Variants in SNTG2 observed in about 807,000 individuals in gnomAD.
The protein encoded by SNTG2 is syntrophin gamma 2, also known as gamma-2-syntrophin.
A neutral mutation model predicts 70.9 loss-of-function variants in SNTG2; 74 were observed. The ratio of observed to expected loss-of-function variants is 1.04; its 90% CI spans 0.86 to 1.27. The LOEUF is 1.27. Among genes scored for constraint, SNTG2 ranks in the 50% most tolerant of loss-of-function variants. The pLI, the probability that SNTG2 is intolerant of heterozygous loss-of-function variation, is 0.00. For synonymous variants in SNTG2, 278 were observed against 273.8 expected (o/e 1.02, Z -0.15); for missense variants, 717 against 690.7 (o/e 1.04, Z -0.43).
chr2:1,184,918 A>G (rs1280050095), intron 8 of SNTG2, among the ~76,000 whole-genome samples: 2 of 152,190 alleles, frequency 1.3e-5, no homozygotes, highest in African/African-American at 4.8e-5. Flanking sequence ...GCATTAACTC[A>G]AAAGTCCATA....
intron 1 of SNTG2, among the ~76,000 whole-genome samples, chr2:973,024 A>G (rs1572178993): frequency 6.6e-6 from 1 of 152,054 alleles, no homozygotes; most frequent in East Asian, 1.9e-4. Flanking sequence ...TACCTCTCAT[A>G]TTTTGCTCTA....
chr2:1,309,305 A>G (rs564794528), intron 15 of SNTG2, among the ~76,000 whole-genome samples: 9 of 152,322 alleles, frequency 5.9e-5, no homozygotes, highest in Admixed American at 4.6e-4. Context: ...TCTGTGTTCG[A>G]GAACCTTTGG....
chr2:1,222,099 C>CTG lies in SNTG2; in HGVS notation c.719+12870_719+12871insGT, dbSNP rs1451914786. On this transcript the variant is annotated intron_variant, in intron 9 of 16. Coordinates refer to ENST00000308624, the MANE Select transcript of SNTG2 (RefSeq NM_018968.4). The stretch of plus-strand genomic sequence containing the variant: ...TCTCTGTCTCTGTCTCTCTCTGTCT[C>CTG]TCTCTGTCTCTCTCTGTCTCTCTCT... Among the ~76,000 whole-genome samples the CTG allele has an allele frequency of 3.8e-3, 56 of 14,584 alleles. 10 individuals are homozygous for CTG. Among genetic ancestry groups the CTG allele is most frequent in the African/African-American group, 7.3e-3 (27 of 3,698 alleles). The allele number at this position is 14,584 out of a possible 152,430, so 9.6% of individuals were successfully genotyped here.
At chr2:1,027,650 A>G (rs1660555615) in intron 1 of SNTG2, among the ~76,000 whole-genome samples, 1 of 141,708 alleles carries the variant, frequency 7.1e-6, no homozygotes, top group African/African-American at 2.7e-5. Context: ...GAGTAAAGAG[A>G]TAAGCAGGTG....
chr2:998,806 C>T (rs980598294), intron 1 of SNTG2, among the ~76,000 whole-genome samples: 1 of 152,038 alleles, frequency 6.6e-6, no homozygotes, highest in South Asian at 2.1e-4. Context: ...AGATACATTG[C>T]AAAATGGACT....
chr2:1,278,315 G>A (rs1198267412), intron 14 of SNTG2, among the ~76,000 whole-genome samples: 1 of 152,090 alleles, frequency 6.6e-6, no homozygotes, highest in Admixed American at 6.5e-5. Flanking sequence ...ACCGCACCAG[G>A]TTGCTGTTTA....
chr2:1,072,329 TTTC>T (rs1272079964), intron 1 of SNTG2, among the ~76,000 whole-genome samples: 2 of 129,368 alleles, frequency 1.5e-5, no homozygotes, highest in African/African-American at 2.8e-5. Flanking sequence ...TCTTTTTCTT[TTTC>T]TTTTCTTTTT....
intron 11 of SNTG2, among the ~76,000 whole-genome samples, chr2:1,240,069 A>C (rs112339265): frequency 3.3e-5 from 5 of 152,316 alleles, no homozygotes; most frequent in African/African-American, 9.6e-5. Context: ...GATTTAAATG[A>C]TGATTTAGAT....
intron 1 of SNTG2, among the ~76,000 whole-genome samples, chr2:995,589 C>T (rs567750869): frequency 6.6e-6 from 1 of 151,916 alleles, no homozygotes; most frequent in African/African-American, 2.4e-5. Flanking sequence ...AAATTATTTC[C>T]TCTTGATGTT....
chr2:1,044,952 C>T (rs762765542), intron 1 of SNTG2, among the ~76,000 whole-genome samples: 3 of 151,742 alleles, frequency 2.0e-5, no homozygotes, highest in Admixed American at 6.6e-5. Context: ...GTTTCCGTAG[C>T]GTTGGTACCA....
intron 10 of SNTG2, among the ~76,000 whole-genome samples, chr2:1,239,365 TAAAAG>T (rs1676901023): frequency 6.6e-6 from 1 of 152,076 alleles, no homozygotes. Flanking sequence ...GAGAACTAAA[TAAAAG>T]AAAGAATATC....
intron 16 of SNTG2, among the ~76,000 whole-genome samples, chr2:1,330,565 A>T (rs1281145344): frequency 6.6e-6 from 1 of 152,218 alleles, no homozygotes; most frequent in African/African-American, 2.4e-5. Context: ...AACTCTCAAA[A>T]AACCAAAAAA....
chr2:1,320,391 G>A (rs190915471), intron 16 of SNTG2, among the ~76,000 whole-genome samples: 128 of 151,894 alleles, frequency 8.4e-4, no homozygotes, highest in African/African-American at 3.0e-3. Flanking sequence ...AATTAGCCGG[G>A]CCTGGTTGCG....
chr2:1,360,651 C>CA (rs5828813), intron 16 of SNTG2, among the ~76,000 whole-genome samples: 40,558 of 150,848 alleles, frequency 0.27, 5,756 homozygotes, highest in East Asian at 0.53. Flanking sequence ...CACAAACAAA[C>CA]AAAAAAAAAG....
At chr2:1,019,549 T>G (rs1660039473) in intron 1 of SNTG2, among the ~76,000 whole-genome samples, 1 of 152,064 alleles carries the variant, frequency 6.6e-6, no homozygotes, top group Admixed American at 6.6e-5. Flanking sequence ...GCTCCAAGCT[T>G]TGGAGATTGC....
At chr2:1,004,193 C>A (rs1346004207) in intron 1 of SNTG2, among the ~76,000 whole-genome samples, 1 of 152,148 alleles carries the variant, frequency 6.6e-6, no homozygotes, top group Non-Finnish European at 1.5e-5. Flanking sequence ...AAAACTAAAT[C>A]ATTAGTCCCT....
At chr2:1,255,935 A>ATAAAT (rs1558603192) in intron 12 of SNTG2, among the ~76,000 whole-genome samples, 52 of 57,888 alleles carry the variant, frequency 9.0e-4, no homozygotes, top group Non-Finnish European at 1.5e-3. Context: ...TAAATATATA[A>ATAAAT]ATATATATAT....
chr2:1,104,653 T>C (rs1313338589), intron 4 of SNTG2, among the ~76,000 whole-genome samples: 1 of 152,168 alleles, frequency 6.6e-6, no homozygotes, highest in Non-Finnish European at 1.5e-5. Context: ...TGTCAGCGTG[T>C]GTGGCCCTGG....
Position 1,098,194 on chromosome 2 carries a change from A to G in SNTG2, c.211-2A>G. On this transcript the variant is annotated splice_acceptor_variant, in intron 2 of 16. Transcript: ENST00000308624. LOFTEE classifies it high-confidence loss of function. Reference sequence around the variant, plus strand: ...TGGTTTGTTTTCTAAAATGTTTTAAAGCGCAGAACTGTTACACTCCGCAGA... The same window carrying G: ...TGGTTTGTTTTCTAAAATGTTTTAAGGCGCAGAACTGTTACACTCCGCAGA... 2 of 1,613,790 alleles carry G rather than the reference A, an allele frequency of 1.2e-6. No homozygotes were observed. The highest frequency in any genetic ancestry group is 1.1e-5 in the South Asian group (1 of 91,032).
Sources: allele counts gnomAD v4.1 joint callset (sites outside exome capture counted in the v4.1 genomes callset), GRCh38; gene constraint gnomAD v4.1.1; transcripts MANE v1.5; gene names NCBI Gene and HGNC (gene_info 2026-07-23, HGNC 2026-07-21).